Variants in CHST8 observed in about 807,000 individuals in gnomAD.
The protein encoded by CHST8 is GALNAC-4-ST1.
CHST8 carries 10 observed loss-of-function variants against 15.0 expected under a neutral mutation model. The ratio of observed to expected loss-of-function variants is 0.67; its 90% CI spans 0.41 to 1.13. The LOEUF is 1.13. Ranked by LOEUF, CHST8 falls within the 50% of genes most tolerant of loss-of-function variation. The probability of loss-of-function intolerance (pLI) is 0.00; values close to 1 mark genes in which losing one functional copy is unlikely to be tolerated. For synonymous variants in CHST8, 259 were observed against 256.6 expected (o/e 1.01, Z -0.09); for missense variants, 634 against 608.2 (o/e 1.04, Z -0.45).
intron 3 of CHST8, among the ~76,000 whole-genome samples, chr19:33,728,770 C>A (rs1466268380): frequency 6.6e-6 from 1 of 152,150 alleles, no homozygotes; most frequent in Non-Finnish European, 1.5e-5. Context: ...AAGCAGACCC[C>A]ACTTCTTCGA....
intron 2 of CHST8, among the ~76,000 whole-genome samples, chr19:33,677,076 A>G (rs923062706): frequency 2.0e-5 from 3 of 152,162 alleles, no homozygotes; most frequent in African/African-American, 7.2e-5. Flanking sequence ...GAGTCCCACT[A>G]TAAAAACGCC....
chr19:33,773,242 A>T lies in CHST8; in HGVS notation c.*179A>T. On this transcript the variant is annotated 3_prime_UTR_variant, in exon 5 of 5. Transcript: ENST00000650847. ...CAGAGGCGCCCAGCCTTGGATGGGG[A>T]CCCCAGCCCCTGGCCTGTACCTGTT... The T allele has an allele frequency of 1.5e-6, 1 of 674,552 alleles. No individual in the cohort carries two copies. The highest frequency in any genetic ancestry group is 2.4e-6 in the Non-Finnish European group (1 of 408,652). The allele number at this position is 674,552 out of a possible 1,614,324, so 41.8% of individuals were successfully genotyped here.
At chr19:33,704,880 G>C (rs1031057332) in intron 3 of CHST8, among the ~76,000 whole-genome samples, 3 of 149,526 alleles carry the variant, frequency 2.0e-5, no homozygotes, top group African/African-American at 7.5e-5. Flanking sequence ...CTACATTCCA[G>C]CTTGGGCGAC....
intron 3 of CHST8, among the ~76,000 whole-genome samples, chr19:33,693,257 C>T (rs908690672): frequency 6.6e-6 from 1 of 152,120 alleles, no homozygotes; most frequent in Admixed American, 6.5e-5. Flanking sequence ...CTGCCCACCT[C>T]GGCCTCCCAA....
chr19:33,704,522 C>T (rs1973408030), intron 3 of CHST8, among the ~76,000 whole-genome samples: 1 of 152,176 alleles, frequency 6.6e-6, no homozygotes, highest in Admixed American at 6.5e-5. Flanking sequence ...GGCCAGGGGC[C>T]ACCGATGCTC....
intron 1 of CHST8, among the ~76,000 whole-genome samples, chr19:33,660,686 G>A (rs1972574913): frequency 6.6e-6 from 1 of 152,138 alleles, no homozygotes; most frequent in African/African-American, 2.4e-5. Context: ...TTCCTGCAAA[G>A]CTCTAAATAA....
At chr19:33,643,260 C>G (rs1489891521) in intron 1 of CHST8, among the ~76,000 whole-genome samples, 1 of 152,182 alleles carries the variant, frequency 6.6e-6, no homozygotes, top group Non-Finnish European at 1.5e-5. Context: ...TTTTTTAAAT[C>G]TGTGTCAATT....
At chr19:33,636,626 C>T (rs1460459074) in intron 1 of CHST8, among the ~76,000 whole-genome samples, 3 of 152,150 alleles carry the variant, frequency 2.0e-5, no homozygotes, top group Admixed American at 6.5e-5. Flanking sequence ...GTAGTCCGGG[C>T]GCAGTGGCTC....
intron 3 of CHST8, among the ~76,000 whole-genome samples, chr19:33,770,526 C>A (rs1005008317): frequency 6.6e-6 from 1 of 152,204 alleles, no homozygotes; most frequent in Non-Finnish European, 1.5e-5. Flanking sequence ...TGTCCTCCTG[C>A]GACTTTCCCC....
chr19:33,670,841 A>C (rs1483685312), intron 2 of CHST8, among the ~76,000 whole-genome samples: 2 of 152,212 alleles, frequency 1.3e-5, no homozygotes, highest in East Asian at 3.8e-4. Flanking sequence ...TATGCCAGGC[A>C]CTGCTCCCTT....
Position 33,772,026 on chromosome 19 carries a change from T to G in CHST8, c.238T>G (p.Ser80Ala), listed in dbSNP as rs549015572. 6.2e-7 allele frequency: 1 copy of G among 1,611,632 alleles called. No homozygotes were observed. Among genetic ancestry groups the G allele is most frequent in the South Asian group, 1.1e-5 (1 of 90,926 alleles). ...EPTERVTRDL[S>A]SGAPRGRNLP... Reference sequence around the variant, plus strand: ...CACAGAGAGGGTCACTCGGGACTTATCCAGTGGGGCCCCGAGGGGCCGCAA... The same window carrying G: ...CACAGAGAGGGTCACTCGGGACTTAGCCAGTGGGGCCCCGAGGGGCCGCAA... The change falls in exon 5 of 5, where the codon TCC becomes GCC. Residue 80 changes from serine (S) to alanine (A), a missense_variant. Coordinates refer to ENST00000650847, the MANE Select transcript of CHST8 (RefSeq NM_001127895.2).
intron 3 of CHST8, among the ~76,000 whole-genome samples, chr19:33,752,930 T>G (rs1008586314): frequency 2.6e-5 from 4 of 152,184 alleles, no homozygotes; most frequent in Non-Finnish European, 5.9e-5. Flanking sequence ...AAACAACAAT[T>G]TTTTTGCCCT....
intron 1 of CHST8, among the ~76,000 whole-genome samples, chr19:33,639,840 ATTT>A (rs55789565): frequency 2.9e-5 from 4 of 138,114 alleles, no homozygotes; most frequent in Non-Finnish European, 4.7e-5. Context: ...AGCAAATCAA[ATTT>A]TTTTTTTTTT....
At chr19:33,673,471 T>C (rs10416263) in intron 2 of CHST8, among the ~76,000 whole-genome samples, 34,197 of 151,926 alleles carry the variant, frequency 0.23, 4,152 homozygotes, top group African/African-American at 0.29. Flanking sequence ...TGTAGGACAG[T>C]GAGGTCAGAC....
At chr19:33,761,242 C>A (rs1404032530) in intron 3 of CHST8, among the ~76,000 whole-genome samples, 1 of 152,196 alleles carries the variant, frequency 6.6e-6, no homozygotes, top group Non-Finnish European at 1.5e-5. Flanking sequence ...GTGGCTTATG[C>A]CTGTAATCCC....
intron 1 of CHST8, among the ~76,000 whole-genome samples, chr19:33,626,357 G>A (rs374957734): frequency 6.6e-5 from 10 of 151,648 alleles, no homozygotes; most frequent in South Asian, 2.1e-4. Flanking sequence ...GGAAGCCTCC[G>A]TGCAGGTGGG....
chr19:33,770,312 G>C (rs11882976), intron 3 of CHST8, among the ~76,000 whole-genome samples: 1 of 152,174 alleles, frequency 6.6e-6, no homozygotes, highest in Admixed American at 6.5e-5. Context: ...ATGGTGCCCC[G>C]GCGCGCCAGC....
chr19:33,657,499 T>A (rs1412024529), intron 1 of CHST8, among the ~76,000 whole-genome samples: 1 of 151,836 alleles, frequency 6.6e-6, no homozygotes, highest in African/African-American at 2.4e-5. Flanking sequence ...CTCGAACTCC[T>A]GACCTTAAGC....
At chr19:33,653,539 C>T (rs1972474249) in intron 1 of CHST8, among the ~76,000 whole-genome samples, 1 of 152,186 alleles carries the variant, frequency 6.6e-6, no homozygotes, top group African/African-American at 2.4e-5. Flanking sequence ...GTCATCATCT[C>T]TTCAAATAGT....
Sources: allele counts gnomAD v4.1 joint callset (sites outside exome capture counted in the v4.1 genomes callset), GRCh38; gene constraint gnomAD v4.1.1; transcripts MANE v1.5; gene names NCBI Gene and HGNC (gene_info 2026-07-23, HGNC 2026-07-21).